IQCK: variants seen among roughly 807,000 people sequenced by gnomAD.
IQCK encodes the protein IQ domain-containing protein K.
IQCK carries 29 observed loss-of-function variants against 28.1 expected under a neutral mutation model. That is an observed-to-expected ratio of 1.03 (90% CI 0.77 to 1.41). The LOEUF (loss-of-function observed/expected upper bound fraction) is 1.41. Among genes scored for constraint, IQCK ranks in the 40% most tolerant of loss-of-function variants. IQCK has a pLI of 0.00. For synonymous variants in IQCK, 113 were observed against 115.1 expected (o/e 0.98, Z 0.12); for missense variants, 359 against 314.7 (o/e 1.14, Z -1.07).
chr16:19,824,083 C>T (rs1412948281), intron 7 of IQCK, among the ~76,000 whole-genome samples: 1 of 152,058 alleles, frequency 6.6e-6, no homozygotes, highest in Admixed American at 6.6e-5. Context: ...GATACAAGCA[C>T]GTTACATTTA....
rs754653014 is a variant in IQCK at position 19,718,492 on chromosome 16, GA to G, written c.181+8del. On this transcript the variant is annotated splice_donor_region_variant and intron_variant, in intron 1 of 7. Transcript: ENST00000564186. ...TGTGGGAGCAGATCTGCAAGGGTAG[GA>G]AACCTGGGCTGGCCGAGAGGGGCGG... 2.0e-5 allele frequency: 32 copies of G among 1,598,890 alleles called. No homozygotes were observed. The highest frequency in any genetic ancestry group is 1.7e-4 in the Middle Eastern group (1 of 6,044).
exon 10 of IQCK, chr16:19,857,745 TAAAA>T (rs397937342): frequency 2.7e-4 from 27 of 98,614 alleles, no homozygotes; most frequent in Non-Finnish European, 2.6e-4. Context: ...GCATCTGGGC[TAAAA>T]AAAAAAAAAA....
At chr16:19,756,624 C>T (rs536935609) in intron 4 of IQCK, among the ~76,000 whole-genome samples, 139 of 152,170 alleles carry the variant, frequency 9.1e-4, no homozygotes, top group African/African-American at 3.1e-3. Flanking sequence ...CAGTGGCTCA[C>T]GCCTGTAATC....
At chr16:19,804,862 T>A (rs1436829095) in intron 7 of IQCK, among the ~76,000 whole-genome samples, 2 of 151,836 alleles carry the variant, frequency 1.3e-5, no homozygotes, top group East Asian at 3.9e-4. Context: ...CCTTTAGGAG[T>A]TGGTCTTGAT....
intron 4 of IQCK, among the ~76,000 whole-genome samples, chr16:19,750,586 C>T (rs952456074): frequency 2.0e-5 from 3 of 151,432 alleles, no homozygotes; most frequent in Non-Finnish European, 2.9e-5. Context: ...CTCAGCCTCC[C>T]CAGTAGCTGG....
At chr16:19,718,307 A>G (rs146166275) in exon 1 of IQCK, 5 of 1,604,246 alleles carry the variant, frequency 3.1e-6, no homozygotes, top group South Asian at 1.1e-5. Context: ...AACCGCGGCC[A>G]TGGCGGCACC....
intron 9 of IQCK, among the ~76,000 whole-genome samples, chr16:19,850,135 A>G (rs958565795): frequency 1.3e-5 from 2 of 152,132 alleles, no homozygotes; most frequent in Non-Finnish European, 2.9e-5. Context: ...GTTGTTCTCA[A>G]ACTGTTTATG....
At chr16:19,732,378 C>T (rs977486147) in intron 2 of IQCK, among the ~76,000 whole-genome samples, 1 of 152,162 alleles carries the variant, frequency 6.6e-6, no homozygotes, top group Admixed American at 6.5e-5. Flanking sequence ...TGACTGGGTG[C>T]TCCTGAAGGG....
chr16:19,855,802 A>G (rs1250997669), intron 9 of IQCK, among the ~76,000 whole-genome samples: 1 of 152,182 alleles, frequency 6.6e-6, no homozygotes, highest in Non-Finnish European at 1.5e-5. Context: ...CTTTCAAGAC[A>G]TTCACATATG....
chr16:19,766,340 A>G (rs1044543607), intron 6 of IQCK, among the ~76,000 whole-genome samples: 6 of 152,198 alleles, frequency 3.9e-5, no homozygotes, highest in African/African-American at 1.4e-4. Flanking sequence ...ATGTTAACAA[A>G]GCATTAAAGG....
intron 9 of IQCK, among the ~76,000 whole-genome samples, chr16:19,852,253 C>T (rs1032711408): frequency 2.0e-5 from 3 of 152,078 alleles, no homozygotes; most frequent in African/African-American, 7.2e-5. Flanking sequence ...GTGAAATATG[C>T]GTACAACAGT....
intron 4 of IQCK, chr16:19,761,278 T>G: frequency 2.4e-6 from 1 of 417,882 alleles, no homozygotes; most frequent in South Asian, 1.7e-5. Flanking sequence ...ATATGAATTT[T>G]GGGGTGATAC....
intron 4 of IQCK, among the ~76,000 whole-genome samples, chr16:19,752,864 C>G (rs1330507818): frequency 6.6e-6 from 1 of 152,102 alleles, no homozygotes; most frequent in African/African-American, 2.4e-5. Context: ...GTGCCCGGAC[C>G]TTTTAAAAAA....
chr16:19,731,447 G>T (rs1370560809), intron 2 of IQCK, among the ~76,000 whole-genome samples: 1 of 152,178 alleles, frequency 6.6e-6, no homozygotes, highest in Non-Finnish European at 1.5e-5. Flanking sequence ...TTCTTGTTCT[G>T]TGATTGTTCC....
intron 1 of IQCK, among the ~76,000 whole-genome samples, chr16:19,725,079 A>G (rs896172800): frequency 2.6e-5 from 4 of 152,232 alleles, no homozygotes; most frequent in African/African-American, 9.6e-5. Flanking sequence ...TCACTTGTTC[A>G]TAATGTTCAT....
chr16:19,735,629 T>C (rs1404581617), intron 4 of IQCK, 179 bp downstream of exon 4: 8 of 590,824 alleles, frequency 1.4e-5, no homozygotes, highest in Admixed American at 1.2e-4. Context: ...TGCACATACA[T>C]GCGCTGCCAT....
intron 4 of IQCK, among the ~76,000 whole-genome samples, chr16:19,760,158 AC>A (rs1251468617): frequency 6.6e-6 from 1 of 152,246 alleles, no homozygotes; most frequent in Non-Finnish European, 1.5e-5. Flanking sequence ...TTTTAAAAAG[AC>A]AATGAGAATG....
At chr16:19,761,963 G>A (rs903322462) in intron 4 of IQCK, 1 of 152,670 alleles carries the variant, frequency 6.6e-6, no homozygotes, top group African/African-American at 2.4e-5. Flanking sequence ...GTGGCTTTGG[G>A]CCTCATGGCT....
chr16:19,719,273 A>G (rs1334178425), intron 1 of IQCK, among the ~76,000 whole-genome samples: 1 of 152,130 alleles, frequency 6.6e-6, no homozygotes, highest in African/African-American at 2.4e-5. Flanking sequence ...CGTAAGCGCT[A>G]GTTCTTAATG....
Sources: allele counts gnomAD v4.1 joint callset (sites outside exome capture counted in the v4.1 genomes callset), GRCh38; gene constraint gnomAD v4.1.1; transcripts MANE v1.5; gene names NCBI Gene and HGNC (gene_info 2026-07-23, HGNC 2026-07-21).